Variants in KIF26B observed in about 807,000 individuals in gnomAD.
KIF26B encodes kinesin-like protein KIF26B.
Under a neutral mutation model 151.2 loss-of-function variants are expected in KIF26B, and 63 were observed. The observed-to-expected ratio is 0.42, with a 90% CI of 0.34 to 0.51. The LOEUF is 0.51. KIF26B is among the 20% of genes least tolerant of loss of function. The probability of loss-of-function intolerance (pLI) is 0.07; values close to 1 mark genes in which losing one functional copy is unlikely to be tolerated. For missense variants in KIF26B, 2,813 were observed against 2,913.6 expected (o/e 0.97, Z 0.79); for synonymous variants, 1,357 against 1,262.1 (o/e 1.08, Z -1.59).
At chr1:245,666,356 A>G (rs2044214140) in intron 10 of KIF26B, among the ~76,000 whole-genome samples, 1 of 152,194 alleles carries the variant, frequency 6.6e-6, no homozygotes. Flanking sequence ...AGTCTTAGTA[A>G]TAACTACTTG....
intron 2 of KIF26B, among the ~76,000 whole-genome samples, chr1:245,337,268 T>C (rs1300164139): frequency 6.6e-6 from 1 of 151,858 alleles, no homozygotes; most frequent in African/African-American, 2.4e-5. Flanking sequence ...ACCTCCTGGG[T>C]TCAAGTGATC....
intron 2 of KIF26B, among the ~76,000 whole-genome samples, chr1:245,261,046 T>C (rs6686563): frequency 1.3e-5 from 2 of 150,420 alleles, no homozygotes; most frequent in Admixed American, 6.6e-5. Flanking sequence ...TTTCTTTTCT[T>C]TCTCTCTCTC....
chr1:245,487,531 C>G (rs1044552252), intron 4 of KIF26B, among the ~76,000 whole-genome samples: 1 of 152,120 alleles, frequency 6.6e-6, no homozygotes, highest in Non-Finnish European at 1.5e-5. Flanking sequence ...ACATACTTAC[C>G]CTTTGACACA....
intron 5 of KIF26B, among the ~76,000 whole-genome samples, chr1:245,569,594 G>A (rs1370809715): frequency 1.3e-5 from 2 of 151,854 alleles, no homozygotes; most frequent in Non-Finnish European, 2.9e-5. Flanking sequence ...GCGACACAGC[G>A]AGACTCCATC....
chr1:245,465,670 G>A (rs1659771783), intron 4 of KIF26B, among the ~76,000 whole-genome samples: 2 of 152,292 alleles, frequency 1.3e-5, no homozygotes, highest in South Asian at 4.2e-4. Flanking sequence ...GGCGCGCTGC[G>A]TCTAACGGAG....
intron 12 of KIF26B, among the ~76,000 whole-genome samples, chr1:245,697,678 G>C (rs776482310): frequency 9.2e-5 from 14 of 152,044 alleles, no homozygotes; most frequent in Non-Finnish European, 1.5e-4. Context: ...CCCTACCTCA[G>C]ATCCTGGGGT....
chr1:245,330,859 T>C (rs1183054155), intron 2 of KIF26B, among the ~76,000 whole-genome samples: 3 of 144,990 alleles, frequency 2.1e-5, no homozygotes, highest in Admixed American at 7.0e-5. Context: ...ATGTCTGATA[T>C]ATTCACTCCT....
At chr1:245,665,418 T>G (rs1572187523) in intron 10 of KIF26B, among the ~76,000 whole-genome samples, 1 of 152,304 alleles carries the variant, frequency 6.6e-6, no homozygotes, top group East Asian at 1.9e-4. Flanking sequence ...TTTCCTATCA[T>G]TTCATTATTT....
intron 5 of KIF26B, among the ~76,000 whole-genome samples, chr1:245,571,705 C>G (rs190808188): frequency 5.6e-4 from 85 of 152,290 alleles, no homozygotes; most frequent in African/African-American, 1.9e-3. Context: ...TCTGTATTGT[C>G]GCTTTTGTTT....
At position 245,679,917 on chromosome 1, in the gene KIF26B, A is replaced by G. The variant is rs540969175; in HGVS notation, c.2259-4316A>G. Among the ~76,000 whole-genome samples the G allele has an allele frequency of 7.9e-5, 12 of 152,054 alleles. No homozygotes were observed. The East Asian group carries it at 1.9e-3, about 25-fold the overall frequency. On this transcript the variant is annotated intron_variant, in intron 10 of 14. Transcript: ENST00000407071. Reference sequence around the variant, plus strand: ...CCCAGTCCCTTCCTGTGCCTGCCCAACCTGTCCTCCATAGCCAGGGCCCCC... The same window carrying G: ...CCCAGTCCCTTCCTGTGCCTGCCCAGCCTGTCCTCCATAGCCAGGGCCCCC...
chr1:245,263,139 C>T (rs1056739901), intron 2 of KIF26B, among the ~76,000 whole-genome samples: 3 of 152,156 alleles, frequency 2.0e-5, no homozygotes, highest in Non-Finnish European at 4.4e-5. Flanking sequence ...AGCCCCAGTA[C>T]GGTAGGAGAA....
chr1:245,680,436 C>T (rs1450817951), intron 10 of KIF26B, among the ~76,000 whole-genome samples: 5 of 152,268 alleles, frequency 3.3e-5, no homozygotes, highest in East Asian at 1.9e-4. Flanking sequence ...AAAAAATCGC[C>T]GTAAACATTT....
chr1:245,200,070 A>T (rs1669271047), intron 2 of KIF26B, among the ~76,000 whole-genome samples: 1 of 152,146 alleles, frequency 6.6e-6, no homozygotes, highest in East Asian at 1.9e-4. Flanking sequence ...AATTCACGAG[A>T]TTGTTCTAAC....
chr1:245,258,230 A>G (rs956072777), intron 2 of KIF26B, among the ~76,000 whole-genome samples: 6 of 152,146 alleles, frequency 3.9e-5, no homozygotes, highest in African/African-American at 1.4e-4. Flanking sequence ...ATGAAGCCCC[A>G]GCGTCCAGAG....
At chr1:245,349,846 C>T (rs1187122015) in intron 2 of KIF26B, among the ~76,000 whole-genome samples, 2 of 152,112 alleles carry the variant, frequency 1.3e-5, no homozygotes, top group Non-Finnish European at 2.9e-5. Flanking sequence ...TTGAGCATAT[C>T]TTTGTTTCAA....
chr1:245,663,461 T>C (rs2044180165), intron 10 of KIF26B, among the ~76,000 whole-genome samples: 1 of 152,180 alleles, frequency 6.6e-6, no homozygotes, highest in African/African-American at 2.4e-5. Context: ...GTTGTTTATT[T>C]GTGATCTAGG....
intron 3 of KIF26B, among the ~76,000 whole-genome samples, chr1:245,369,086 C>T (rs375630552): frequency 1.3e-5 from 2 of 151,860 alleles, no homozygotes; most frequent in African/African-American, 2.4e-5. Flanking sequence ...TGCAGTGAGC[C>T]GAGATTGCAC....
intron 4 of KIF26B, among the ~76,000 whole-genome samples, chr1:245,475,526 G>T (rs917370448): frequency 1.3e-5 from 2 of 151,838 alleles, no homozygotes; most frequent in South Asian, 4.2e-4. Context: ...CAGCCTGGGC[G>T]ACAGAGCCAG....
chr1:245,548,769 G>T (rs1314913797), intron 5 of KIF26B, among the ~76,000 whole-genome samples: 1 of 136,876 alleles, frequency 7.3e-6, no homozygotes, highest in Non-Finnish European at 1.6e-5. Flanking sequence ...TAAAAACAGG[G>T]TTTCACTCTT....
Sources: gnomAD v4.1 joint callset for allele counts (sites outside exome capture counted in the v4.1 genomes callset) on GRCh38, gnomAD v4.1.1 for gene constraint, MANE v1.5 for transcripts, NCBI Gene and HGNC (gene_info 2026-07-23, HGNC 2026-07-21) for gene names.